XPNPEP3: variants seen among roughly 807,000 people sequenced by gnomAD.
XPNPEP3 encodes X-prolyl aminopeptidase 3.
XPNPEP3 carries 41 observed loss-of-function variants against 60.0 expected under a neutral mutation model. That is an observed-to-expected ratio of 0.68 (90% CI 0.53 to 0.89). The LOEUF (loss-of-function observed/expected upper bound fraction) is 0.89. XPNPEP3 is among the 40% of genes least tolerant of loss of function. The pLI is 0.00. For missense variants in XPNPEP3, 598 were observed against 638.9 expected (o/e 0.94, Z 0.69); for synonymous variants, 212 against 223.2 (o/e 0.95, Z 0.45).
chr22:40,874,684 C>G (rs778332280), intron 2 of XPNPEP3, among the ~76,000 whole-genome samples: 5 of 152,134 alleles, frequency 3.3e-5, no homozygotes, highest in East Asian at 1.9e-4. Context: ...CCTTGGCCCC[C>G]CAAAGTGCTG....
At chr22:40,900,789 T>G (rs1360439443) in intron 4 of XPNPEP3, among the ~76,000 whole-genome samples, 1 of 150,190 alleles carries the variant, frequency 6.7e-6, no homozygotes, top group Non-Finnish European at 1.5e-5. Flanking sequence ...ATAAGTTAGC[T>G]GGGTGTGGTG....
At position 40,872,819 on chromosome 22, in the gene XPNPEP3, T is replaced by A. The variant is rs548698839; in HGVS notation, c.181+3704T>A. 2.0e-5 allele frequency among the ~76,000 whole-genome samples: 3 copies of A among 152,242 alleles called. No individual in the cohort carries two copies. The South Asian group carries it at 6.2e-4, about 32-fold the overall frequency. ...AAAGATGCTTCCATGGTTCCCTGAT[T>A]ATTGCCAAAGGAGTAATGTTGTCAT... is the stretch of plus-strand genomic sequence containing the variant. On this transcript the variant is annotated intron_variant, in intron 2 of 9. Transcript: ENST00000357137.
chr22:40,880,472 T>C (rs1165426920), intron 2 of XPNPEP3, among the ~76,000 whole-genome samples: 3 of 149,470 alleles, frequency 2.0e-5, no homozygotes, highest in Admixed American at 1.4e-4. Flanking sequence ...TTTGTGAGAG[T>C]TGAGAAAACT....
chr22:40,914,058 C>T (rs1601517954), intron 6 of XPNPEP3, among the ~76,000 whole-genome samples, 181 bp from the exon 7 acceptor site: 1 of 151,652 alleles, frequency 6.6e-6, no homozygotes, highest in Admixed American at 6.6e-5. Context: ...AGGAGAATCG[C>T]TTGAACGCGG....
intron 8 of XPNPEP3, among the ~76,000 whole-genome samples, chr22:40,923,972 T>C (rs1287870292): frequency 6.6e-6 from 1 of 152,184 alleles, no homozygotes; most frequent in African/African-American, 2.4e-5. Flanking sequence ...TGAACGAACA[T>C]TGGAAAGAGA....
chr22:40,884,578 C>G (rs1045915283), intron 3 of XPNPEP3, among the ~76,000 whole-genome samples: 1 of 149,936 alleles, frequency 6.7e-6, no homozygotes, highest in African/African-American at 2.5e-5. Context: ...AGGTGATCCA[C>G]CCCCCTCAGC....
In XPNPEP3 at chr22:40,927,701, G is replaced by T. The variant is rs1396903816; in HGVS notation, c.*1266G>T. On this transcript the variant is annotated 3_prime_UTR_variant, in exon 10 of 10. Transcript: ENST00000357137. ...CTCCTGGCTAACACGGTGAAACCCC[G>T]TCTTTACTAAAAATACAAAAAAAAT... 6.6e-6 allele frequency: 1 copy of T among 151,574 alleles called. No individual in the cohort carries two copies. The highest frequency in any genetic ancestry group is 2.4e-5 in the African/African-American group (1 of 41,226). 9.4% of individuals were successfully genotyped at this position (151,574 alleles called of 1,614,324 possible).
At chr22:40,919,520 A>G (rs1302941572) in intron 7 of XPNPEP3, among the ~76,000 whole-genome samples, 1 of 152,196 alleles carries the variant, frequency 6.6e-6, no homozygotes, top group Non-Finnish European at 1.5e-5. Context: ...ACGTGCCACC[A>G]TGCCTGGCTA....
chr22:40,926,407 T>C lies in XPNPEP3; in HGVS notation c.1496T>C (p.Ile499Thr). The stretch of plus-strand genomic sequence containing the variant: ...GACTGTCCCAAAGAGATGAATGACA[T>C]TGAACAGATATGCAGCCAGGCTTCT... ...SADCPKEMND[I>T]EQICSQAS The change falls in exon 10 of 10, where the codon ATT becomes ACT. Residue 499 changes from isoleucine (I) to threonine (T), a missense_variant. By Grantham distance (89) the Ile-to-Thr change is moderately conservative (BLOSUM62 -1). Transcript: ENST00000357137. 6.2e-7 allele frequency: 1 copy of C among 1,614,106 alleles called. No individual in the cohort carries two copies. The highest frequency in any genetic ancestry group is 1.3e-5 in the African/African-American group (1 of 75,022).
intron 1 of XPNPEP3, among the ~76,000 whole-genome samples, chr22:40,857,559 C>T (rs1245502358): frequency 6.6e-6 from 1 of 152,270 alleles, no homozygotes; most frequent in Non-Finnish European, 1.5e-5. Context: ...GACAAAGTGT[C>T]TCACATCAAG....
chr22:40,914,181 C>A, intron 6 of XPNPEP3, 58 bp from the exon 7 acceptor site: 77 of 1,288,942 alleles, frequency 6.0e-5, no homozygotes, highest in Non-Finnish European at 7.7e-5. Context: ...CTTTGGATTA[C>A]TAGAAACAAC....
chr22:40,861,345 C>T, intron 1 of XPNPEP3: 3 of 1,614,160 alleles, frequency 1.9e-6, no homozygotes, highest in Non-Finnish European at 2.5e-6. Flanking sequence ...TGTCAACTCT[C>T]CATTATCTTC....
intron 1 of XPNPEP3, among the ~76,000 whole-genome samples, chr22:40,867,854 C>T (rs922614790): frequency 3.3e-5 from 5 of 151,508 alleles, no homozygotes; most frequent in African/African-American, 1.2e-4. Context: ...TCATTTATTG[C>T]CTAAGCCCAG....
intron 7 of XPNPEP3, among the ~76,000 whole-genome samples, chr22:40,918,545 A>G (rs980508156): frequency 2.0e-5 from 3 of 151,822 alleles, no homozygotes; most frequent in African/African-American, 7.3e-5. Context: ...TCAGCTGGGC[A>G]TGGTGGTGGG....
chr22:40,862,144 A>G, intron 1 of XPNPEP3: 1 of 1,450,126 alleles, frequency 6.9e-7, no homozygotes, highest in Non-Finnish European at 9.1e-7. Context: ...GTGCTAAGAG[A>G]TGAGGATACT....
At chr22:40,909,064 TTGGGC>T in intron 5 of XPNPEP3, 53 bp from the exon 6 acceptor site, 1 of 1,451,918 alleles carries the variant, frequency 6.9e-7, no homozygotes, top group South Asian at 1.1e-5. Context: ...TGAAGAGAGC[TTGGGC>T]TGGGGCAGCC....
intron 9 of XPNPEP3, 64 bp from the exon 10 acceptor site, chr22:40,926,204 TA>T (rs1435081615): frequency 6.3e-7 from 1 of 1,578,832 alleles, no homozygotes; most frequent in African/African-American, 1.3e-5. Flanking sequence ...GAGGTTAACT[TA>T]CTTGCCCCAA....
chr22:40,858,283 T>C (rs2057916212), intron 1 of XPNPEP3, among the ~76,000 whole-genome samples: 1 of 151,460 alleles, frequency 6.6e-6, no homozygotes, highest in South Asian at 2.1e-4. Flanking sequence ...ATTTTTGTAA[T>C]TGTAGTAGAA....
intron 2 of XPNPEP3, among the ~76,000 whole-genome samples, chr22:40,880,806 C>T (rs1206225769): frequency 6.7e-6 from 1 of 149,754 alleles, no homozygotes; most frequent in African/African-American, 2.5e-5. Flanking sequence ...AAAAAAAAAC[C>T]ATTGGCCAAG....
Sources: allele counts gnomAD v4.1 joint callset (sites outside exome capture counted in the v4.1 genomes callset), GRCh38; gene constraint gnomAD v4.1.1; transcripts MANE v1.5; gene names NCBI Gene and HGNC (gene_info 2026-07-23, HGNC 2026-07-21).